The following SPATA31H1 variants were observed in gnomAD, a reference collection of about 807,000 sequenced individuals.
SPATA31H1 encodes SPATA31 subfamily H member 1.
At chr2:27,580,894 CAAG>C in the SPATA31H1 span, 29 of 1,614,058 alleles carry the variant, frequency 1.8e-5, no homozygotes, top group Middle Eastern at 3.3e-4. Flanking sequence ...GCTCAACAGC[CAAG>C]AAGAGCTTAC....
At chr2:27,579,625 C>T in the SPATA31H1 span, 2 of 1,614,194 alleles carry the variant, frequency 1.2e-6, no homozygotes, top group Non-Finnish European at 1.7e-6. Flanking sequence ...ATGCCTGTCT[C>T]ATGTGCAGGG....
At chr2:27,579,827 G>C in the SPATA31H1 span, 1 of 1,614,204 alleles carries the variant, frequency 6.2e-7, no homozygotes, top group Non-Finnish European at 8.5e-7. Context: ...AGTTCCAGTT[G>C]CTAGAAGATC....
At chr2:27,579,079 A>C in the SPATA31H1 span, 3 of 1,614,088 alleles carry the variant, frequency 1.9e-6, no homozygotes, top group Non-Finnish European at 2.5e-6. Flanking sequence ...GAGCTAGAGA[A>C]CTCACTTCAG....
chr2:27,548,362 C>T, the SPATA31H1 span, among the ~76,000 whole-genome samples: 1 of 151,900 alleles, frequency 6.6e-6, no homozygotes, highest in Non-Finnish European at 1.5e-5. Context: ...AACCCCAGCA[C>T]TTTGGGAGAC....
At chr2:27,567,937 T>A in the SPATA31H1 span, 9 of 398,946 alleles carry the variant, frequency 2.3e-5, no homozygotes, top group African/African-American at 1.2e-4. Context: ...CCAAGTCAAG[T>A]TGTGAAACCA....
the SPATA31H1 span, chr2:27,581,443 G>A: frequency 5.6e-6 from 9 of 1,614,090 alleles, no homozygotes; most frequent in East Asian, 2.2e-5. Context: ...AGCTGTCACA[G>A]TCTCTCTGAA....
chr2:27,579,918 C>T, the SPATA31H1 span: 2 of 1,614,050 alleles, frequency 1.2e-6, no homozygotes, highest in Non-Finnish European at 1.7e-6. Context: ...AGGTCTAGTC[C>T]TAAAATACCC....
the SPATA31H1 span, among the ~76,000 whole-genome samples, chr2:27,558,890 GGAGGGAGAGGGA>G: frequency 5.4e-5 from 5 of 92,476 alleles, no homozygotes; most frequent in South Asian, 2.0e-3. Context: ...GGGAGACCGT[GGAGGGAGAGGGA>G]GAGGGAGAGG....
chr2:27,560,607 G>A, the SPATA31H1 span, among the ~76,000 whole-genome samples: 1 of 151,892 alleles, frequency 6.6e-6, no homozygotes, highest in Non-Finnish European at 1.5e-5. Flanking sequence ...ACAGGCGCCC[G>A]CCTCCACACC....
the SPATA31H1 span, among the ~76,000 whole-genome samples, chr2:27,555,048 C>G: frequency 1.3e-5 from 2 of 152,002 alleles, no homozygotes; most frequent in African/African-American, 4.8e-5. Context: ...CTTTATCATG[C>G]TAAGGAAGTC....
At chr2:27,562,479 C>T in the SPATA31H1 span, among the ~76,000 whole-genome samples, 1 of 149,532 alleles carries the variant, frequency 6.7e-6, no homozygotes, top group Admixed American at 6.7e-5. Context: ...CCACTGCACT[C>T]CAGCCTAGGC....
the SPATA31H1 span, chr2:27,573,412 G>A: frequency 1.8e-5 from 7 of 398,448 alleles, no homozygotes; most frequent in South Asian, 6.4e-4. Context: ...TCACAATCTC[G>A]AGTTGTCACA....
the SPATA31H1 span, chr2:27,571,112 C>T: frequency 2.5e-6 from 1 of 398,498 alleles, no homozygotes; most frequent in Non-Finnish European, 4.4e-6. Context: ...CGGAATTAAT[C>T]TCAGGGCCAC....
the SPATA31H1 span, among the ~76,000 whole-genome samples, chr2:27,540,362 C>A: frequency 1.7e-5 from 2 of 119,626 alleles, no homozygotes; most frequent in Non-Finnish European, 3.6e-5. Flanking sequence ...AGGCGCCCCT[C>A]ACCTCCCGGA....
chr2:27,579,715 A>G, the SPATA31H1 span: 6 of 1,614,210 alleles, frequency 3.7e-6, no homozygotes, highest in Non-Finnish European at 5.1e-6. Context: ...CCAATGGAAG[A>G]AAGTGAGGAC....
chr2:27,581,109 C>T, the SPATA31H1 span: 18 of 1,614,096 alleles, frequency 1.1e-5, no homozygotes, highest in Non-Finnish European at 1.4e-5. Flanking sequence ...AGTTCAGGCC[C>T]GAGGAAGAAT....
the SPATA31H1 span, among the ~76,000 whole-genome samples, chr2:27,540,945 T>TG: frequency 4.4e-5 from 5 of 113,044 alleles, no homozygotes; most frequent in Admixed American, 9.1e-5. Flanking sequence ...TCCCAGACGA[T>TG]GGGGGGCCAG....
the SPATA31H1 span, among the ~76,000 whole-genome samples, chr2:27,564,051 A>G: frequency 6.0e-4 from 92 of 152,150 alleles, no homozygotes; most frequent in African/African-American, 2.1e-3. Context: ...GGAGATTTAC[A>G]TTTACTTTCA....
chr2:27,566,605 A>G, the SPATA31H1 span: 1 of 581,390 alleles, frequency 1.7e-6, no homozygotes, highest in Non-Finnish European at 3.1e-6. Context: ...TAAGTAATTG[A>G]TGTTGGGGAA....
Sources: gnomAD v4.1 joint callset for allele counts (sites outside exome capture counted in the v4.1 genomes callset) on GRCh38, gnomAD v4.1.1 for gene constraint, MANE v1.5 for transcripts, NCBI Gene and HGNC (gene_info 2026-07-23, HGNC 2026-07-21) for gene names.